The following CCNJL variants were observed in gnomAD, a reference collection of about 807,000 sequenced individuals.
CCNJL encodes the protein cyclin J like, also known as cyclin-J-like protein.
In CCNJL, 33 loss-of-function variants were observed where a neutral mutation model predicts 33.4. The ratio of observed to expected loss-of-function variants is 0.99; its 90% confidence interval spans 0.75 to 1.32. The LOEUF (loss-of-function observed/expected upper bound fraction) is 1.32. Among genes scored for constraint, CCNJL ranks in the 40% most tolerant of loss-of-function variants. The pLI is 0.00. For synonymous variants in CCNJL, 227 were observed against 220.9 expected (o/e 1.03, Z -0.24); for missense variants, 512 against 499.7 (o/e 1.02, Z -0.23).
intron 2 of CCNJL, among the ~76,000 whole-genome samples, chr5:160,309,534 CAT>C (rs1223270706): frequency 2.6e-5 from 4 of 152,188 alleles, no homozygotes; most frequent in African/African-American, 9.7e-5. Context: ...GTGTTAGAAA[CAT>C]ATTATCAGAG....
At chr5:160,335,746 G>A (rs796275595) in intron 1 of CCNJL, among the ~76,000 whole-genome samples, 4 of 127,532 alleles carry the variant, frequency 3.1e-5, no homozygotes, top group South Asian at 2.6e-4. Flanking sequence ...TTTTTTTTTT[G>A]AAATTTTTTT....
chr5:160,308,403 C>T (rs1763160176), intron 2 of CCNJL, among the ~76,000 whole-genome samples: 1 of 152,208 alleles, frequency 6.6e-6, no homozygotes, highest in Non-Finnish European at 1.5e-5. Context: ...AGAAGACAGA[C>T]ACAGGTCTCT....
chr5:160,290,461 T>C (rs1762547183), intron 2 of CCNJL, among the ~76,000 whole-genome samples: 4 of 151,922 alleles, frequency 2.6e-5, no homozygotes, highest in African/African-American at 4.8e-5. Context: ...GAGACGGGGT[T>C]TTCACCATGT....
At chr5:160,291,528 A>T (rs760771299) in intron 2 of CCNJL, among the ~76,000 whole-genome samples, 2 of 152,206 alleles carry the variant, frequency 1.3e-5, no homozygotes, top group East Asian at 3.8e-4. Flanking sequence ...GGGGCAGAGT[A>T]ACATCCCAGA....
At chr5:160,306,045 G>A (rs1284885540) in intron 2 of CCNJL, among the ~76,000 whole-genome samples, 4 of 152,148 alleles carry the variant, frequency 2.6e-5, no homozygotes, top group East Asian at 1.9e-4. Context: ...AGGCCAAGGC[G>A]GGCGGATCAC....
intron 3 of CCNJL, among the ~76,000 whole-genome samples, chr5:160,272,791 C>A (rs1203729461): frequency 1.3e-5 from 2 of 152,164 alleles, no homozygotes; most frequent in Non-Finnish European, 2.9e-5. Context: ...TTATCAAAAT[C>A]TTCAGTGTTA....
intron 5 of CCNJL, chr5:160,254,458 C>A: frequency 2.0e-6 from 1 of 497,354 alleles, no homozygotes; most frequent in South Asian, 3.4e-5. Context: ...GGGACCTTCT[C>A]AAAAACACAA....
intron 2 of CCNJL, among the ~76,000 whole-genome samples, chr5:160,284,923 T>C (rs1257830254): frequency 1.3e-5 from 2 of 152,174 alleles, no homozygotes; most frequent in African/African-American, 4.8e-5. Flanking sequence ...TATTTTTATT[T>C]TTTTTAAGTC....
At chr5:160,330,445 G>T (rs995169010) in intron 1 of CCNJL, among the ~76,000 whole-genome samples, 1 of 152,074 alleles carries the variant, frequency 6.6e-6, no homozygotes, top group Non-Finnish European at 1.5e-5. Context: ...ACTTCCTGCC[G>T]CCTCCGCACC....
chr5:160,320,838 T>C (rs374613371), intron 1 of CCNJL, among the ~76,000 whole-genome samples: 9,033 of 105,820 alleles, frequency 0.085, 292 homozygotes, highest in East Asian at 0.11. Context: ...TCTTTCTTTC[T>C]TTCTTTCTTT....
intron 1 of CCNJL, among the ~76,000 whole-genome samples, chr5:160,329,639 A>G (rs1216174729): frequency 2.6e-5 from 4 of 152,066 alleles, no homozygotes; most frequent in African/African-American, 7.2e-5. Flanking sequence ...GTGAGCCACT[A>G]CGCCCGGCCT....
At chr5:160,272,123 A>G (rs1761858069) in intron 3 of CCNJL, among the ~76,000 whole-genome samples, 1 of 152,224 alleles carries the variant, frequency 6.6e-6, no homozygotes, top group South Asian at 2.1e-4. Flanking sequence ...TCTCCAGGCT[A>G]GGAAGCAGCA....
At chr5:160,287,093 C>T (rs892060775) in intron 2 of CCNJL, among the ~76,000 whole-genome samples, 4 of 152,110 alleles carry the variant, frequency 2.6e-5, no homozygotes, top group South Asian at 4.1e-4. Flanking sequence ...AGTTCTGGGT[C>T]GGAATCTTAG....
chr5:160,255,912 A>G (rs1255476106), intron 4 of CCNJL, among the ~76,000 whole-genome samples: 1 of 152,152 alleles, frequency 6.6e-6, no homozygotes, highest in Non-Finnish European at 1.5e-5. Context: ...TTGTTGAGAC[A>G]GGGTCTCGCT....
At chr5:160,328,123 A>C (rs1172797457) in intron 1 of CCNJL, among the ~76,000 whole-genome samples, 3 of 152,230 alleles carry the variant, frequency 2.0e-5, no homozygotes, top group Non-Finnish European at 4.4e-5. Flanking sequence ...AGGGCAGCGA[A>C]CCTGGAATTT....
chr5:160,250,923 T>C lies in CCNJL; in HGVS notation c.*2455A>G, dbSNP rs1380192916. The stretch of plus-strand genomic sequence containing the variant: ...ACCCTATGAGGCAAGGTGTTATCAC[T>C]CCCATTTTAACAGGTGACAAGATGG... On this transcript the variant is annotated 3_prime_UTR_variant, in exon 6 of 6. Coordinates refer to ENST00000257536, the MANE Select transcript of CCNJL (RefSeq NM_001308173.3). The C allele has an allele frequency of 6.6e-6, 1 of 152,176 alleles. No homozygotes were observed. The highest frequency in any genetic ancestry group is 2.4e-5 in the African/African-American group (1 of 41,436). The allele number at this position is 152,176 out of a possible 1,614,324, so 9.4% of individuals were successfully genotyped here.
chr5:160,282,350 T>C (rs1762242606), intron 2 of CCNJL, among the ~76,000 whole-genome samples: 1 of 152,082 alleles, frequency 6.6e-6, no homozygotes, highest in Non-Finnish European at 1.5e-5. Context: ...CTTACAACTA[T>C]AAAACTCTTA....
chr5:160,332,688 A>T (rs1027546611), intron 1 of CCNJL, among the ~76,000 whole-genome samples: 2 of 151,896 alleles, frequency 1.3e-5, no homozygotes, highest in Non-Finnish European at 2.9e-5. Context: ...CAGCTCTCCA[A>T]TATCCTTCAA....
At chr5:160,297,966 C>T (rs958816912) in intron 2 of CCNJL, among the ~76,000 whole-genome samples, 1 of 152,162 alleles carries the variant, frequency 6.6e-6, no homozygotes, top group African/African-American at 2.4e-5. Context: ...AGGGTGTCAG[C>T]TCTGCTTGAG....
Sources: allele counts gnomAD v4.1 joint callset (sites outside exome capture counted in the v4.1 genomes callset), GRCh38; gene constraint gnomAD v4.1.1; transcripts MANE v1.5; gene names NCBI Gene and HGNC (gene_info 2026-07-23, HGNC 2026-07-21).